WNT2B: variants seen among roughly 807,000 people sequenced by gnomAD.
The protein encoded by WNT2B is Wnt family member 2B.
In WNT2B, 19 loss-of-function variants were observed where a neutral mutation model predicts 40.5. The observed-to-expected ratio is 0.47, with a 90% confidence interval of 0.33 to 0.69. WNT2B has a LOEUF of 0.69. WNT2B is among the 30% of genes least tolerant of loss of function. The pLI, the probability that WNT2B is intolerant of heterozygous loss-of-function variation, is 0.02. For missense variants in WNT2B, 467 were observed against 556.4 expected, an observed-to-expected ratio of 0.84 and a Z score of 1.62; for synonymous variants, 220 against 211.9, an observed-to-expected ratio of 1.04 and a Z score of -0.33.
At chr1:112,514,820 C>A (rs1412853114) in intron 1 of WNT2B, 54 bp from the exon 2 acceptor site, 9 of 1,570,786 alleles carry the variant, frequency 5.7e-6, no homozygotes, top group African/African-American at 1.3e-5. Context: ...CTTATTCCCT[C>A]CCAATGCAGA....
At chr1:112,484,816 G>C (rs958076497) in intron 1 of WNT2B, among the ~76,000 whole-genome samples, 1 of 151,400 alleles carries the variant, frequency 6.6e-6, no homozygotes, top group Non-Finnish European at 1.5e-5. Flanking sequence ...ATTTATAATA[G>C]CATCAAAAAT....
rs1327632541 is a variant in WNT2B, at chr1:112,522,405, GC to G, written c.*1899del. On this transcript the variant is annotated 3_prime_UTR_variant, in exon 5 of 5. Coordinates refer to ENST00000369684, the MANE Select transcript of WNT2B (RefSeq NM_024494.3). ...TTCACCAAAGCCCCTGGCTGGTCTA[GC>G]CCATCATGACTTCTCTAGGAACAGT... 1 of 152,106 alleles carries G rather than the reference GC, an allele frequency of 6.6e-6. No individual in the cohort carries two copies. The highest frequency in any genetic ancestry group is 1.9e-4 in the East Asian group (1 of 5,198). 9.4% of individuals were successfully genotyped at this position (152,106 alleles called of 1,614,324 possible).
chr1:112,516,458 G>A (rs1217511419), intron 3 of WNT2B, 41 bp downstream of exon 3: 1 of 1,576,662 alleles, frequency 6.3e-7, no homozygotes, highest in Admixed American at 1.7e-5. Flanking sequence ...ATATTTGCTG[G>A]GGGTGACCAG....
At chr1:112,484,230 T>TACACATATATATACACATATATATAC (rs1557909800) in intron 1 of WNT2B, among the ~76,000 whole-genome samples, 6 of 120,486 alleles carry the variant, frequency 5.0e-5, no homozygotes, top group Non-Finnish European at 9.4e-5. Context: ...CATATATATA[T>TACACATATATATACACATATATATAC]ACACATATAT....
At chr1:112,518,383 C>T (rs1446807584) in intron 4 of WNT2B, 2 of 152,166 alleles carry the variant, frequency 1.3e-5, no homozygotes, top group Admixed American at 6.5e-5. Flanking sequence ...CAGCTATCTT[C>T]GGTACTGTTT....
intron 1 of WNT2B, among the ~76,000 whole-genome samples, chr1:112,493,987 C>A (rs1447205035): frequency 6.6e-6 from 1 of 150,820 alleles, no homozygotes; most frequent in Non-Finnish European, 1.5e-5. Flanking sequence ...GAGAAAAAAA[C>A]CCTTACTTAT....
intron 1 of WNT2B, among the ~76,000 whole-genome samples, chr1:112,498,333 A>C (rs1445837766): frequency 6.6e-6 from 1 of 151,882 alleles, no homozygotes; most frequent in African/African-American, 2.4e-5. Context: ...GGCTCACTGC[A>C]ACCTCTACCT....
intron 1 of WNT2B, among the ~76,000 whole-genome samples, chr1:112,478,254 A>T (rs1316248389): frequency 6.6e-6 from 1 of 152,092 alleles, no homozygotes; most frequent in Non-Finnish European, 1.5e-5. Flanking sequence ...AGAGAAAATA[A>T]AAAAGAAAAA....
chr1:112,498,008 A>G (rs1651831035), intron 1 of WNT2B, among the ~76,000 whole-genome samples: 1 of 151,644 alleles, frequency 6.6e-6, no homozygotes, highest in South Asian at 2.1e-4. Context: ...GCACCTGTCA[A>G]CCCGTCGTCA....
upstream of WNT2B, among the ~76,000 whole-genome samples, chr1:112,507,162 G>A (rs1435970374): frequency 1.3e-5 from 2 of 152,050 alleles, no homozygotes; most frequent in Admixed American, 1.3e-4. Context: ...ACCTTAATGA[G>A]GCCTACCCTG....
chr1:112,515,070 G>A lies in WNT2B; in HGVS notation c.379G>A (p.Val127Ile), dbSNP rs140255509. ...NCTTLDRDHTVFGRVMLRSSR... is the reference protein window; with the variant it reads ...NCTTLDRDHTIFGRVMLRSSR... ...TACCACCCTGGACCGGGACCACACC[G>A]TCTTTGGCCGTGTCATGCTCAGAAG... Residue 127 changes from valine (V) to isoleucine (I), a missense_variant, in exon 2 of 5, where the codon GTC (valine) becomes ATC (isoleucine). Transcript: ENST00000369684. This position sits in a 1 kb window ranked among gnomAD's most constrained non-coding sequence, Gnocchi z 4.4. The A allele has an allele frequency of 5.9e-5, 96 of 1,614,154 alleles. No homozygotes were observed. The highest frequency in any genetic ancestry group is 5.4e-4 in the South Asian group (49 of 91,070).
intron 1 of WNT2B, among the ~76,000 whole-genome samples, chr1:112,501,595 T>G (rs1472718672): frequency 1.3e-5 from 2 of 152,250 alleles, no homozygotes; most frequent in African/African-American, 4.8e-5. Flanking sequence ...TGTTTTGTTT[T>G]GTTGCCCAAA....
Position 112,522,589 on chromosome 1 carries a change from A to T in WNT2B, c.*2080A>T, listed in dbSNP as rs1162912149. ...AGCTTCACTCTGCACAGGCAGCAGG[A>T]GGTTGGGGGAGCCATAGCTCTGGGC... On this transcript the variant is annotated 3_prime_UTR_variant, in exon 5 of 5. Coordinates refer to ENST00000369684, the MANE Select transcript of WNT2B (RefSeq NM_024494.3). 6.6e-6 allele frequency: 1 copy of T among 152,226 alleles called. No homozygotes were observed. Among genetic ancestry groups the T allele is most frequent in the Non-Finnish European group, 1.5e-5 (1 of 68,144 alleles). 9.4% of individuals were successfully genotyped at this position (152,226 alleles called of 1,614,324 possible). A position where few individuals can be genotyped will look rare whatever the true frequency, so the allele number is the denominator to read the frequency against.
At chr1:112,475,571 A>C (rs1426922826) in intron 1 of WNT2B, among the ~76,000 whole-genome samples, 1 of 152,224 alleles carries the variant, frequency 6.6e-6, no homozygotes, top group East Asian at 1.9e-4. Flanking sequence ...GGGAAGAGAA[A>C]TGGAAATATA....
chr1:112,507,912 G>A (rs1652172308), upstream of WNT2B, among the ~76,000 whole-genome samples: 1 of 152,184 alleles, frequency 6.6e-6, no homozygotes, highest in African/African-American at 2.4e-5. Flanking sequence ...AGTGCCCGCA[G>A]GGCCCGTACC....
intron 1 of WNT2B, among the ~76,000 whole-genome samples, chr1:112,481,941 G>A (rs1651238522): frequency 6.6e-6 from 1 of 152,018 alleles, no homozygotes; most frequent in African/African-American, 2.4e-5. Context: ...GAGGTCAGGA[G>A]TTTGAGACCA....
chr1:112,467,539 T>A (rs1414488409), exon 1 of WNT2B: 2 of 780,878 alleles, frequency 2.6e-6, no homozygotes, highest in Non-Finnish European at 4.8e-6. Context: ...CTTTCCCACA[T>A]GTTGGATGGC....
intron 1 of WNT2B, among the ~76,000 whole-genome samples, chr1:112,471,348 G>A (rs768332040): frequency 6.6e-6 from 1 of 152,160 alleles, no homozygotes; most frequent in East Asian, 1.9e-4. Context: ...GTATAGCAGA[G>A]GGATTCTCAC....
chr1:112,508,300 G>T (rs1373091100), upstream of WNT2B, among the ~76,000 whole-genome samples: 2 of 151,270 alleles, frequency 1.3e-5, no homozygotes, highest in Non-Finnish European at 2.9e-5. This position sits in a 1 kb window ranked among gnomAD's most constrained non-coding sequence, Gnocchi z 4.2. Context: ...CCTTAGCGTC[G>T]GCAGTCGATT....
Sources: allele counts gnomAD v4.1 joint callset (sites outside exome capture counted in the v4.1 genomes callset), GRCh38; gene constraint gnomAD v4.1.1; non-coding constraint Gnocchi (gnomAD v3.1); transcripts MANE v1.5; gene names NCBI Gene and HGNC (gene_info 2026-07-23, HGNC 2026-07-21).